Variants in CRACD observed in about 807,000 individuals in gnomAD.
CRACD encodes capping protein-inhibiting regulator of actin dynamics.
Under a neutral mutation model 106.8 loss-of-function variants are expected in CRACD, and 56 were observed. The observed-to-expected ratio is 0.52, with a 90% confidence interval of 0.42 to 0.66. The LOEUF (loss-of-function observed/expected upper bound fraction) is 0.66, where lower values mean the gene tolerates loss of function less well. Among genes scored for constraint, CRACD ranks in the 30% least tolerant of loss-of-function variants. CRACD has a pLI of 0.00. For synonymous variants in CRACD, 754 were observed against 670.8 expected (o/e 1.12, Z -1.92); for missense variants, 1,730 against 1,623.2 (o/e 1.07, Z -1.13).
chr4:56,099,971 G>A (rs1273385131), intron 1 of CRACD, among the ~76,000 whole-genome samples: 1 of 152,120 alleles, frequency 6.6e-6, no homozygotes, highest in East Asian at 1.9e-4. Context: ...GGCCAGGCAC[G>A]GTGGCTCATG....
intron 1 of CRACD, among the ~76,000 whole-genome samples, chr4:56,099,518 T>C (rs1311560584): frequency 6.6e-6 from 1 of 152,176 alleles, no homozygotes; most frequent in Non-Finnish European, 1.5e-5. Flanking sequence ...GCTTTTGGCA[T>C]ACTGACTGTT....
At chr4:56,191,637 A>T (rs1357236033) in intron 2 of CRACD, among the ~76,000 whole-genome samples, 1 of 152,182 alleles carries the variant, frequency 6.6e-6, no homozygotes, top group Non-Finnish European at 1.5e-5. Context: ...TTGGAGAGCC[A>T]TTATTCTACC....
At chr4:56,058,812 C>T (rs964139690) in intron 1 of CRACD, among the ~76,000 whole-genome samples, 22 of 151,982 alleles carry the variant, frequency 1.4e-4, no homozygotes, top group Non-Finnish European at 3.2e-4. Flanking sequence ...ATGCAGTGTC[C>T]CAAGTCACTT....
intron 1 of CRACD, among the ~76,000 whole-genome samples, chr4:56,076,046 A>G (rs1732828574): frequency 6.6e-6 from 1 of 152,168 alleles, no homozygotes; most frequent in African/African-American, 2.4e-5. Context: ...TGAAATCCTA[A>G]CCCCAAGTAC....
intron 2 of CRACD, among the ~76,000 whole-genome samples, chr4:56,242,373 A>C (rs2109564767): frequency 6.6e-6 from 1 of 152,256 alleles, no homozygotes; most frequent in Middle Eastern, 3.4e-3. Context: ...AGATGAAAAA[A>C]ATGTTTCCAG....
intron 2 of CRACD, among the ~76,000 whole-genome samples, chr4:56,243,318 A>G (rs1740478663): frequency 1.3e-5 from 2 of 152,228 alleles, no homozygotes; most frequent in South Asian, 4.1e-4. Flanking sequence ...ATAGTGATCA[A>G]CCAAAGATCA....
chr4:56,315,735 A>G lies in CRACD; in HGVS notation c.2233A>G (p.Ile745Val). The change falls in exon 8 of 11, where the codon ATA becomes GTA. Residue 745 changes from isoleucine (I) to valine (V), a missense_variant. Physicochemically the swap from Ile to Val is conservative, Grantham distance 29. Around this residue, in one of 5 missense-constraint regions of CRACD, gnomAD observed 1,620 missense variants for 1,481.6 expected, o/e 1.09. Transcript: ENST00000682029. This position sits in a 1 kb window ranked among gnomAD's most constrained non-coding sequence, Gnocchi z 4.1. ...TSKQSTEAES[I>V]RKRPMLGPSE... ...CAAACAGAGCACGGAAGCTGAAAGC[A>G]TACGAAAAAGACCCATGCTGGGACC... The G allele has an allele frequency of 6.2e-7, 1 of 1,614,240 alleles. No homozygotes were observed. Among genetic ancestry groups the G allele is most frequent in the Non-Finnish European group, 8.5e-7 (1 of 1,180,048 alleles).
At chr4:56,124,049 C>T (rs577836542) in intron 1 of CRACD, among the ~76,000 whole-genome samples, 21 of 152,056 alleles carry the variant, frequency 1.4e-4, no homozygotes, top group African/African-American at 4.6e-4. Flanking sequence ...GCCATTGTCC[C>T]GCCTCAGCCT....
intron 2 of CRACD, among the ~76,000 whole-genome samples, chr4:56,268,907 A>G (rs967000178): frequency 6.6e-6 from 1 of 152,244 alleles, no homozygotes; most frequent in African/African-American, 2.4e-5. Flanking sequence ...AGTAGGTGTC[A>G]TGAAAATCAC....
At chr4:56,210,845 A>C (rs1030424212) in intron 2 of CRACD, among the ~76,000 whole-genome samples, 1 of 152,184 alleles carries the variant, frequency 6.6e-6, no homozygotes, top group Admixed American at 6.5e-5. Flanking sequence ...GTGCCCATTA[A>C]GGAACAGAGC....
intron 1 of CRACD, among the ~76,000 whole-genome samples, chr4:56,114,736 A>C (rs1414237376): frequency 6.6e-6 from 1 of 152,180 alleles, no homozygotes; most frequent in East Asian, 1.9e-4. Flanking sequence ...ATCAGAGTGC[A>C]TCTCATTTGG....
At chr4:56,161,301 A>G (rs1735941305) in intron 1 of CRACD, among the ~76,000 whole-genome samples, 1 of 152,190 alleles carries the variant, frequency 6.6e-6, no homozygotes. Context: ...GCCTGTGGAA[A>G]GAAAGAACTG....
intron 2 of CRACD, among the ~76,000 whole-genome samples, chr4:56,270,830 A>C (rs66531137): frequency 0.29 from 44,461 of 151,840 alleles, 6,599 homozygotes; most frequent in East Asian, 0.39. Flanking sequence ...GCCTGTAATC[A>C]CAGCACTTTG....
intron 2 of CRACD, among the ~76,000 whole-genome samples, chr4:56,221,505 G>A (rs541954819): frequency 1.3e-5 from 2 of 152,034 alleles, no homozygotes; most frequent in Admixed American, 1.3e-4. Context: ...ATAAATAAAT[G>A]GGACATAATT....
intron 5 of CRACD, chr4:56,308,935 G>C (rs757876019): frequency 7.8e-7 from 1 of 1,286,762 alleles, no homozygotes; most frequent in Non-Finnish European, 1.0e-6. Flanking sequence ...CTCTGTCTCA[G>C]ATATGGGTAT....
chr4:56,095,329 A>G (rs1733563484), intron 1 of CRACD, among the ~76,000 whole-genome samples: 1 of 152,190 alleles, frequency 6.6e-6, no homozygotes. Context: ...GACAGATAAT[A>G]AACTAGGAAT....
chr4:56,074,544 G>A (rs552107174), intron 1 of CRACD, among the ~76,000 whole-genome samples: 66 of 152,240 alleles, frequency 4.3e-4, no homozygotes, highest in Non-Finnish European at 8.5e-4. Flanking sequence ...TTTGTATCCC[G>A]ATACTTTGCT....
At chr4:56,271,121 A>G (rs935864247) in intron 2 of CRACD, among the ~76,000 whole-genome samples, 2 of 152,088 alleles carry the variant, frequency 1.3e-5, no homozygotes, top group Non-Finnish European at 2.9e-5. Context: ...AAAAAAAAAA[A>G]AAGTTTTTAA....
chr4:56,095,050 C>A (rs1332350900), intron 1 of CRACD, among the ~76,000 whole-genome samples: 2 of 152,128 alleles, frequency 1.3e-5, no homozygotes, highest in African/African-American at 4.8e-5. Context: ...ATGCTATATC[C>A]TTTTCATTTC....
Sources: gnomAD v4.1 joint callset for allele counts (sites outside exome capture counted in the v4.1 genomes callset) on GRCh38, gnomAD v4.1.1 for gene constraint, gnomAD v4.1.1 regional missense constraint, Gnocchi (gnomAD v3.1) non-coding constraint, MANE v1.5 for transcripts, NCBI Gene and HGNC (gene_info 2026-07-23, HGNC 2026-07-21) for gene names.